Variants in ABCB9 observed in about 807,000 individuals in gnomAD.
ABCB9 encodes the protein ABC-type oligopeptide transporter ABCB9.
ABCB9 carries 36 observed loss-of-function variants against 62.0 expected under a neutral mutation model. That is an observed-to-expected ratio of 0.58 (90% CI 0.45 to 0.77). The LOEUF is 0.77. Among genes scored for constraint, ABCB9 ranks in the 30% least tolerant of loss-of-function variants. The pLI is 0.00. For synonymous variants in ABCB9, 435 were observed against 461.4 expected, an observed-to-expected ratio of 0.94 and a Z score of 0.73; for missense variants, 943 against 1,054.7, an observed-to-expected ratio of 0.89 and a Z score of 1.47.
At chr12:122,968,828 T>C (rs983741274), upstream of ABCB9, among the ~76,000 whole-genome samples, 6 of 152,184 alleles carry the variant, frequency 3.9e-5, no homozygotes, top group South Asian at 1.2e-3. Context: ...TTGGCCAGGC[T>C]GGTCTCAAAC....
chr12:122,961,687 T>C (rs920440893), intron 1 of ABCB9, among the ~76,000 whole-genome samples: 1 of 151,800 alleles, frequency 6.6e-6, no homozygotes, highest in Non-Finnish European at 1.5e-5. Context: ...TCAGAGAGGG[T>C]GGGGAGTATC....
rs1447878623 is a variant in ABCB9 at position 122,941,126 on chromosome 12, CA to C, written c.1381-132del. ...GGGGAGATGCAGGAGGCCACCTGAC[CA>C]CCCACTGGTGCATTAGATAACGACA... is the stretch of plus-strand genomic sequence containing the variant. On this transcript the variant is annotated intron_variant, in intron 7 of 11. Coordinates refer to ENST00000280560, the MANE Select transcript of ABCB9 (RefSeq NM_019625.4). 4.4e-6 allele frequency: 4 copies of C among 918,376 alleles called. No homozygotes were observed. The Admixed American group carries it at 1.1e-4, about 26-fold the overall frequency. 56.9% of individuals were successfully genotyped at this position (918,376 alleles called of 1,614,324 possible). A position where few individuals can be genotyped will look rare whatever the true frequency, so the allele number is the denominator to read the frequency against.
chr12:122,937,372 G>C (rs1275052872), intron 9 of ABCB9, among the ~76,000 whole-genome samples: 1 of 148,846 alleles, frequency 6.7e-6, no homozygotes, highest in Non-Finnish European at 1.5e-5. Flanking sequence ...AAAAAAAAAA[G>C]AAAAGAAAAA....
At chr12:122,921,093 G>A (rs746780495) in intron 11 of ABCB9, 1 of 1,528,428 alleles carries the variant, frequency 6.5e-7, no homozygotes, top group Non-Finnish European at 8.8e-7. Flanking sequence ...AACATTGGGA[G>A]TCTGCTTAAT....
chr12:122,943,184 G>A (rs1374351163), intron 7 of ABCB9, among the ~76,000 whole-genome samples: 1 of 152,158 alleles, frequency 6.6e-6, no homozygotes, highest in Non-Finnish European at 1.5e-5. Context: ...GGATGACTCT[G>A]GTGCTGGTGT....
At chr12:122,973,607 AAAC>A (rs2037320909) in intron 1 of ABCB9, among the ~76,000 whole-genome samples, 26 of 145,320 alleles carry the variant, frequency 1.8e-4, no homozygotes, top group African/African-American at 5.0e-4. Context: ...AAAAAAAAAA[AAAC>A]AAAAACTTTG....
rs1227253394 is a variant in ABCB9, at chr12:122,959,953, T to C, written c.283A>G (p.Ile95Val). 1.2e-6 allele frequency: 2 copies of C among 1,613,220 alleles called. No homozygotes were observed. Among genetic ancestry groups the C allele is most frequent in the Non-Finnish European group, 1.7e-6 (2 of 1,179,948 alleles). Residue 95 changes from isoleucine to valine, a missense_variant, in exon 2 of 12, where the codon ATC becomes GTC. Transcript: ENST00000280560. The surrounding 1 kb of genome is among the most constrained non-coding windows in gnomAD (Gnocchi z 5.4). Reference protein sequence around the residue: ...VITLVCLFVGIYAMVKLLLFS... With the variant: ...VITLVCLFVGVYAMVKLLLFS... ...AGCAGCAGCTTCACCATGGCATAGA[T>C]GCCCACGAAGAGGCACACGAGGGTG...
chr12:122,940,420 C>T lies in ABCB9; in HGVS notation c.1570-136G>A, dbSNP rs183260003. 1.9e-5 allele frequency: 19 copies of T among 1,019,240 alleles called. No individual in the cohort carries two copies. Among genetic ancestry groups the T allele is most frequent in the Admixed American group, 3.0e-5 (1 of 33,338 alleles). 63.1% of individuals were successfully genotyped at this position (1,019,240 alleles called of 1,614,324 possible). A position where few individuals can be genotyped will look rare whatever the true frequency, so the allele number is the denominator to read the frequency against. ...TCCCTCGCTTGGGCACTGCTGGCCC[C>T]TAAACGTTCTTTCTAAGACACTAGG... On this transcript the variant is annotated intron_variant, in intron 8 of 11. Transcript: ENST00000280560. This position sits in a 1 kb window ranked among gnomAD's most constrained non-coding sequence, Gnocchi z 4.8.
At chr12:122,962,700 C>T (rs1321635001) in intron 1 of ABCB9, among the ~76,000 whole-genome samples, 1 of 152,198 alleles carries the variant, frequency 6.6e-6, no homozygotes, top group Non-Finnish European at 1.5e-5. Context: ...TGGCACAAAG[C>T]AGTTGTCTAA....
At chr12:122,970,010 G>A (rs1191836556), upstream of ABCB9, among the ~76,000 whole-genome samples, 2 of 152,118 alleles carry the variant, frequency 1.3e-5, no homozygotes, top group African/African-American at 4.8e-5. Flanking sequence ...ATCACACTCT[G>A]TGATATTTAC....
chr12:122,964,998 A>C lies in ABCB9; in HGVS notation c.-88+1289T>G, dbSNP rs1254582926. 2.0e-5 allele frequency among the ~76,000 whole-genome samples: 3 copies of C among 152,128 alleles called. No homozygotes were observed. The South Asian group carries it at 6.2e-4, about 32-fold the overall frequency. On this transcript the variant is annotated intron_variant, in intron 1 of 11. Coordinates refer to ENST00000280560, the MANE Select transcript of ABCB9 (RefSeq NM_019625.4). The surrounding 1 kb of genome is among the most constrained non-coding windows in gnomAD (Gnocchi z 4.7). Reference sequence around the variant, plus strand: ...TGACGCTGCAACAGAGACCCTTTGCAGAGAAGGCCAGGAGACAATAGATAA... The same window carrying C: ...TGACGCTGCAACAGAGACCCTTTGCCGAGAAGGCCAGGAGACAATAGATAA...
At chr12:122,961,874 A>T (rs1350573965) in intron 1 of ABCB9, among the ~76,000 whole-genome samples, 1 of 152,212 alleles carries the variant, frequency 6.6e-6, no homozygotes, top group East Asian at 1.9e-4. Context: ...ATTGCTGCTG[A>T]TTGTAATCAA....
intron 4 of ABCB9, 82 bp downstream of exon 4, chr12:122,949,706 C>A (rs2036249684): frequency 6.4e-7 from 1 of 1,562,716 alleles, no homozygotes; most frequent in Non-Finnish European, 8.8e-7. Flanking sequence ...CACCCACACG[C>A]CCATTTCATT....
rs1185356940 is a variant in ABCB9, at chr12:122,929,183, G to C, written c.*728C>G. The C allele has an allele frequency of 3.0e-6, 3 of 986,204 alleles. No homozygotes were observed. Among genetic ancestry groups the C allele is most frequent in the East Asian group, 2.3e-4 (2 of 8,818 alleles). The allele number at this position is 986,204 out of a possible 1,614,324, so 61.1% of individuals were successfully genotyped here. A position where few individuals can be genotyped will look rare whatever the true frequency, so the allele number is the denominator to read the frequency against. ...GTGTGGGGAGGGAGGCTGCCAGCCA[G>C]GGGTGGGTGGACGAGGGGCGAAAGC... On this transcript the variant is annotated 3_prime_UTR_variant, in exon 12 of 12. Coordinates refer to ENST00000280560, the MANE Select transcript of ABCB9 (RefSeq NM_019625.4). This position sits in a 1 kb window ranked among gnomAD's most constrained non-coding sequence, Gnocchi z 6.0.
rs1157910401 is a variant in ABCB9, at chr12:122,935,255, C to T, written c.1903+17G>A. 1.1e-5 allele frequency: 18 copies of T among 1,591,852 alleles called. No homozygotes were observed. Among genetic ancestry groups the T allele is most frequent in the Non-Finnish European group, 1.5e-5 (18 of 1,168,118 alleles). On this transcript the variant is annotated intron_variant, in intron 10 of 11. Coordinates refer to ENST00000280560, the MANE Select transcript of ABCB9 (RefSeq NM_019625.4). ...GACCCTGTGGGCCCAGGAGAGGGGC[C>T]ACCCCCAGCTCCACACCTGTGCTGT...
At chr12:122,927,197 A>T (rs1320748394), downstream of ABCB9, among the ~76,000 whole-genome samples, 2 of 151,694 alleles carry the variant, frequency 1.3e-5, no homozygotes, top group East Asian at 3.9e-4. Context: ...TTTTTGAGAC[A>T]GTCTCGCTCT....
chr12:122,935,036 T>C (rs1442977783), intron 10 of ABCB9, among the ~76,000 whole-genome samples: 1 of 152,074 alleles, frequency 6.6e-6, no homozygotes, highest in African/African-American at 2.4e-5. Flanking sequence ...ATAATTTACT[T>C]AATAAATATT....
chr12:122,927,329 G>A (rs540658399), downstream of ABCB9, among the ~76,000 whole-genome samples: 8 of 152,104 alleles, frequency 5.3e-5, no homozygotes, highest in East Asian at 1.4e-3. Context: ...GTGCCAACAC[G>A]CCCGGCTAAT....
At chr12:122,956,808 CTG>C (rs2036628572) in intron 2 of ABCB9, among the ~76,000 whole-genome samples, 1 of 152,178 alleles carries the variant, frequency 6.6e-6, no homozygotes, top group Non-Finnish European at 1.5e-5. Flanking sequence ...GCATGAGCCA[CTG>C]TGCCCGGCTA....
Sources: allele counts gnomAD v4.1 joint callset (sites outside exome capture counted in the v4.1 genomes callset), GRCh38; gene constraint gnomAD v4.1.1; non-coding constraint Gnocchi (gnomAD v3.1); transcripts MANE v1.5; gene names NCBI Gene and HGNC (gene_info 2026-07-23, HGNC 2026-07-21).